Variants in SLC35F4 observed in about 807,000 individuals in gnomAD.
SLC35F4 encodes solute carrier family 35 member F4.
A neutral mutation model predicts 44.2 loss-of-function variants in SLC35F4; 24 were observed. The ratio of observed to expected loss-of-function variants is 0.54; its 90% CI spans 0.39 to 0.76. The LOEUF (loss-of-function observed/expected upper bound fraction) is 0.76, where lower values mean the gene tolerates loss of function less well. Ranked by LOEUF, SLC35F4 falls within the 30% of genes least tolerant of loss-of-function variation. The pLI is 0.00. For missense variants in SLC35F4, 562 were observed against 586.1 expected, an observed-to-expected ratio of 0.96 and a Z score of 0.42; for synonymous variants, 238 against 223.6, an observed-to-expected ratio of 1.06 and a Z score of -0.57.
chr14:57,829,643 C>T (rs914870327), intron 1 of SLC35F4, among the ~76,000 whole-genome samples: 7 of 152,072 alleles, frequency 4.6e-5, no homozygotes, highest in Non-Finnish European at 7.3e-5. Flanking sequence ...GTCACAATGC[C>T]GAAGAAAGGC....
intron 1 of SLC35F4, among the ~76,000 whole-genome samples, chr14:57,815,740 A>G (rs1048188846): frequency 1.3e-5 from 2 of 152,056 alleles, no homozygotes; most frequent in African/African-American, 4.8e-5. Context: ...CTCCCCCTAA[A>G]TAGCGCATCT....
chr14:57,809,381 A>T (rs963263044), intron 1 of SLC35F4, among the ~76,000 whole-genome samples: 1 of 152,124 alleles, frequency 6.6e-6, no homozygotes, highest in African/African-American at 2.4e-5. Flanking sequence ...AGTAGAAGTG[A>T]TTCATGGCAT....
At chr14:57,697,132 T>G (rs1594819987) in intron 1 of SLC35F4, among the ~76,000 whole-genome samples, 1 of 152,292 alleles carries the variant, frequency 6.6e-6, no homozygotes, top group Non-Finnish European at 1.5e-5. Flanking sequence ...TAAGCAGGTT[T>G]TAGATTCATC....
intron 1 of SLC35F4, among the ~76,000 whole-genome samples, chr14:57,832,062 T>G (rs933889821): frequency 3.3e-5 from 5 of 152,156 alleles, no homozygotes; most frequent in African/African-American, 1.2e-4. Context: ...TTTAATAAAT[T>G]CATGAATCTA....
intron 1 of SLC35F4, among the ~76,000 whole-genome samples, chr14:57,945,107 C>T (rs1478919598): frequency 6.6e-6 from 1 of 152,174 alleles, no homozygotes; most frequent in African/African-American, 2.4e-5. Context: ...CTATGGCATG[C>T]ATATTCCCAT....
intron 1 of SLC35F4, among the ~76,000 whole-genome samples, chr14:57,913,680 A>C (rs1889260548): frequency 6.6e-6 from 1 of 152,174 alleles, no homozygotes; most frequent in Non-Finnish European, 1.5e-5. Flanking sequence ...TACATAATCG[A>C]GTACACTGCT....
intron 1 of SLC35F4, among the ~76,000 whole-genome samples, chr14:57,607,669 A>T (rs1403213547): frequency 6.6e-6 from 1 of 152,216 alleles, no homozygotes; most frequent in Non-Finnish European, 1.5e-5. Flanking sequence ...TTAAGTAGGG[A>T]AGTGGAATCA....
intron 1 of SLC35F4, among the ~76,000 whole-genome samples, chr14:57,805,114 A>G (rs1881148263): frequency 6.6e-6 from 1 of 152,134 alleles, no homozygotes; most frequent in South Asian, 2.1e-4. Flanking sequence ...TAAAGTCAAA[A>G]AAACAACAGA....
chr14:57,922,671 A>G (rs1242408336), intron 1 of SLC35F4, among the ~76,000 whole-genome samples: 1 of 152,182 alleles, frequency 6.6e-6, no homozygotes, highest in Non-Finnish European at 1.5e-5. Context: ...AAGTCAGACC[A>G]ACTATATTAA....
At chr14:57,963,196 T>A (rs1177569128) in intron 1 of SLC35F4, among the ~76,000 whole-genome samples, 1 of 152,174 alleles carries the variant, frequency 6.6e-6, no homozygotes, top group Non-Finnish European at 1.5e-5. Context: ...TTCAGCCACA[T>A]GGATTTTTCC....
intron 1 of SLC35F4, among the ~76,000 whole-genome samples, chr14:57,962,628 C>T (rs1199517694): frequency 6.6e-6 from 1 of 152,202 alleles, no homozygotes; most frequent in Admixed American, 6.5e-5. Context: ...ATGAAAGGTC[C>T]ATTAAATAAG....
chr14:57,843,040 C>A lies in SLC35F4; in HGVS notation c.103+22683G>T, dbSNP rs145893194. On this transcript the variant is annotated intron_variant, in intron 1 of 7. Transcript: ENST00000556826. ...CTTCAGTTTTGGACTCTTGGACTTA[C>A]ACCAGTGATTTGCCAGGGGCTATCG... is the stretch of plus-strand genomic sequence containing the variant. Among the ~76,000 whole-genome samples the A allele has an allele frequency of 3.3e-3, 503 of 152,288 alleles. 4 individuals carry two copies. The highest frequency in any genetic ancestry group is 9.8e-3 in the African/African-American group (409 of 41,560).
At chr14:57,582,662 T>A (rs1196211697) in intron 3 of SLC35F4, among the ~76,000 whole-genome samples, 2 of 152,250 alleles carry the variant, frequency 1.3e-5, no homozygotes, top group African/African-American at 4.8e-5. Flanking sequence ...AACATTCAAG[T>A]ATTTATGGGG....
rs190528405 is a variant in SLC35F4 at position 57,772,549 on chromosome 14, C to T, written c.103+93174G>A. On this transcript the variant is annotated intron_variant, in intron 1 of 7. Coordinates refer to ENST00000556826, the MANE Select transcript of SLC35F4 (RefSeq NM_001306087.2). ...CTCACTTTTCTCCTTTTGGAGTCCC[C>T]AGTGTCTATTATTTCCATCTTTATA... Among the ~76,000 whole-genome samples, 263 of 152,210 alleles carry T rather than the reference C, an allele frequency of 1.7e-3. 2 individuals are homozygous for T. Among genetic ancestry groups the T allele is most frequent in the Middle Eastern group, 6.8e-3 (2 of 294 alleles).
chr14:57,638,354 T>C (rs1055200719), intron 1 of SLC35F4, among the ~76,000 whole-genome samples: 26 of 152,182 alleles, frequency 1.7e-4, no homozygotes, highest in Non-Finnish European at 2.9e-5. Context: ...GGCCTAATTG[T>C]AATGCATTTA....
intron 1 of SLC35F4, among the ~76,000 whole-genome samples, chr14:57,791,108 G>A (rs1481480558): frequency 6.6e-6 from 1 of 152,038 alleles, no homozygotes; most frequent in Admixed American, 6.6e-5. Context: ...CAAAAGCAAT[G>A]GCAACAAAAG....
intron 1 of SLC35F4, among the ~76,000 whole-genome samples, chr14:57,768,756 T>C (rs2077291433): frequency 6.6e-6 from 1 of 152,236 alleles, no homozygotes; most frequent in Middle Eastern, 3.4e-3. Flanking sequence ...TTGGTTTTTT[T>C]TTTTTCTTCT....
chr14:57,594,877 C>A (rs1030867902), intron 1 of SLC35F4, among the ~76,000 whole-genome samples: 5 of 152,204 alleles, frequency 3.3e-5, no homozygotes, highest in Admixed American at 2.6e-4. Flanking sequence ...GAATCTCCAA[C>A]CCCGGGTCAG....
intron 1 of SLC35F4, chr14:57,603,893 C>G (rs2070990960): frequency 6.6e-6 from 1 of 152,322 alleles, no homozygotes; most frequent in Non-Finnish European, 1.5e-5. Flanking sequence ...TTTCCCTTCT[C>G]TATGATGTCT....
Sources: gnomAD v4.1 joint callset for allele counts (sites outside exome capture counted in the v4.1 genomes callset) on GRCh38, gnomAD v4.1.1 for gene constraint, MANE v1.5 for transcripts, NCBI Gene and HGNC (gene_info 2026-07-23, HGNC 2026-07-21) for gene names.